The following ZSWIM5 variants were observed in gnomAD, a reference collection of about 807,000 sequenced individuals.
ZSWIM5 encodes zinc finger SWIM-type containing 5.
ZSWIM5 carries 55 observed loss-of-function variants against 119.6 expected under a neutral mutation model. The ratio of observed to expected loss-of-function variants is 0.46; its 90% confidence interval spans 0.37 to 0.58. The LOEUF (loss-of-function observed/expected upper bound fraction) is 0.58, where lower values mean the gene tolerates loss of function less well. Among genes scored for constraint, ZSWIM5 ranks in the 20% least tolerant of loss-of-function variants. The pLI, the probability that ZSWIM5 is intolerant of heterozygous loss-of-function variation, is 0.00. For synonymous variants in ZSWIM5, 537 were observed against 606.9 expected (o/e 0.88, Z 1.69); for missense variants, 1,193 against 1,512.8 (o/e 0.79, Z 3.51).
rs1275301307 is a variant in ZSWIM5 at position 45,206,423 on chromosome 1, C to A, written c.-73G>T. On this transcript the variant is annotated 5_prime_UTR_variant, in exon 1 of 14. Transcript: ENST00000359600. ...GCGGCGGAGACCCTGGCCACGGCCA[C>A]GCGCCCCGCGCAAGCGCCCAGCGGT... 70 of 1,264,298 alleles carry A rather than the reference C, an allele frequency of 5.5e-5. No individual in the cohort carries two copies. The highest frequency in any genetic ancestry group is 6.7e-5 in the Non-Finnish European group (67 of 1,006,080). 78.3% of individuals were successfully genotyped at this position (1,264,298 alleles called of 1,614,324 possible). A position where few individuals can be genotyped will look rare whatever the true frequency, so the allele number is the denominator to read the frequency against.
At chr1:45,026,520 C>T (rs986677065) in intron 11 of ZSWIM5, among the ~76,000 whole-genome samples, 2 of 152,070 alleles carry the variant, frequency 1.3e-5, no homozygotes, top group Non-Finnish European at 2.9e-5. Context: ...ATGGAATTAA[C>T]GGATTCCATT....
intron 2 of ZSWIM5, among the ~76,000 whole-genome samples, chr1:45,080,208 G>A (rs1407359993): frequency 6.6e-6 from 1 of 152,224 alleles, no homozygotes; most frequent in African/African-American, 2.4e-5. Flanking sequence ...TTGCCTAGGA[G>A]TTGCAGTCCT....
At chr1:45,092,546 C>CG (rs1553193681) in intron 1 of ZSWIM5, among the ~76,000 whole-genome samples, 7 of 98,390 alleles carry the variant, frequency 7.1e-5, no homozygotes, top group Non-Finnish European at 9.7e-5. Context: ...CCACCCCCCC[C>CG]CCCCCGCCAG....
chr1:45,091,746 T>G (rs1645365535), intron 1 of ZSWIM5, among the ~76,000 whole-genome samples: 1 of 152,114 alleles, frequency 6.6e-6, no homozygotes, highest in East Asian at 1.9e-4. Flanking sequence ...GCTTTATCCG[T>G]TCAATGCTTC....
At chr1:45,074,593 A>G (rs1358171054) in intron 2 of ZSWIM5, among the ~76,000 whole-genome samples, 3 of 151,408 alleles carry the variant, frequency 2.0e-5, no homozygotes, top group Admixed American at 2.0e-4. Flanking sequence ...CTCTGATTTT[A>G]TTTATTTGGG....
At chr1:45,070,879 C>T (rs765113933) in intron 2 of ZSWIM5, among the ~76,000 whole-genome samples, 1 of 152,164 alleles carries the variant, frequency 6.6e-6, no homozygotes, top group African/African-American at 2.4e-5. Flanking sequence ...TTACAGGTAT[C>T]GTGCTTGGTG....
At chr1:45,117,644 C>G (rs1029319497) in intron 1 of ZSWIM5, among the ~76,000 whole-genome samples, 1 of 152,122 alleles carries the variant, frequency 6.6e-6, no homozygotes, top group Non-Finnish European at 1.5e-5. Flanking sequence ...GCACTCTAGC[C>G]TGGTTAACAG....
At chr1:45,066,739 C>A (rs574556749) in intron 2 of ZSWIM5, among the ~76,000 whole-genome samples, 3 of 152,008 alleles carry the variant, frequency 2.0e-5, no homozygotes, top group South Asian at 2.1e-4. Flanking sequence ...TAATAGGAGG[C>A]CACTGAAGGA....
At position 45,019,379 on chromosome 1, in the gene ZSWIM5, T is replaced by C. The variant is rs1644874176; in HGVS notation, c.2696-63A>G. On this transcript the variant is annotated intron_variant, in intron 13 of 13. Transcript: ENST00000359600. The surrounding 1 kb of genome is among the most constrained non-coding windows in gnomAD (Gnocchi z 5.0). ...GGTCCTGATTCAGGTCTACCCAGAT[T>C]ACCATTTGGGGTTTGAACTTGGCCT... is the stretch of plus-strand genomic sequence containing the variant. 1 of 1,543,868 alleles carries C rather than the reference T, an allele frequency of 6.5e-7. No individual in the cohort carries two copies. Among genetic ancestry groups the C allele is most frequent in the South Asian group, 1.2e-5 (1 of 81,894 alleles).
rs1439626385 is a variant in ZSWIM5 at position 45,072,681 on chromosome 1, T to C, written c.953-12434A>G. Among the ~76,000 whole-genome samples, 3 of 152,024 alleles carry C rather than the reference T, an allele frequency of 2.0e-5. No homozygotes were observed. Among genetic ancestry groups the C allele is most frequent in the Admixed American group, 6.5e-5 (1 of 15,278 alleles). On this transcript the variant is annotated intron_variant, in intron 2 of 13. Coordinates refer to ENST00000359600, the MANE Select transcript of ZSWIM5 (RefSeq NM_020883.2). The surrounding 1 kb of genome is among the most constrained non-coding windows in gnomAD (Gnocchi z 4.1). ...TAGCATCCATTTATTGAAAAAACTG[T>C]CTTTTCCCCAGTGTATGTTCTTGGC... is the stretch of plus-strand genomic sequence containing the variant.
At chr1:45,053,054 C>T (rs1406087685) in intron 4 of ZSWIM5, among the ~76,000 whole-genome samples, 3 of 145,242 alleles carry the variant, frequency 2.1e-5, no homozygotes, top group East Asian at 2.1e-4. Context: ...ATCTGGGAGG[C>T]GGAGGTTGCA....
chr1:45,044,749 AT>A (rs1450909139), intron 5 of ZSWIM5, among the ~76,000 whole-genome samples: 1 of 1,394 alleles, frequency 7.2e-4, no homozygotes, highest in African/African-American at 2.6e-3. Context: ...AAAAAAAAAT[AT>A]ATATATATAT....
At chr1:45,180,423 G>T (rs1646009580) in intron 1 of ZSWIM5, among the ~76,000 whole-genome samples, 1 of 152,198 alleles carries the variant, frequency 6.6e-6, no homozygotes, top group Non-Finnish European at 1.5e-5. Context: ...AAACAAAGCA[G>T]CCGGGAAGCT....
At chr1:45,154,630 C>T (rs925963551) in intron 1 of ZSWIM5, among the ~76,000 whole-genome samples, 7 of 152,102 alleles carry the variant, frequency 4.6e-5, no homozygotes, top group Non-Finnish European at 1.0e-4. Flanking sequence ...GCCTGTAATC[C>T]CAACACTTTG....
chr1:45,197,895 T>C (rs1486454269), intron 1 of ZSWIM5, among the ~76,000 whole-genome samples: 2 of 152,190 alleles, frequency 1.3e-5, no homozygotes, highest in Non-Finnish European at 2.9e-5. Context: ...GAAAGAATGG[T>C]GAAACCACTG....
At position 45,021,067 on chromosome 1, in the gene ZSWIM5, G is replaced by T. The variant is rs372487933; in HGVS notation, c.2450-279C>A. Among the ~76,000 whole-genome samples, 262 of 150,636 alleles carry T rather than the reference G, an allele frequency of 1.7e-3. 2 individuals are homozygous for T. The highest frequency in any genetic ancestry group is 5.9e-3 in the African/African-American group (242 of 40,930). On this transcript the variant is annotated intron_variant, in intron 11 of 13. Transcript: ENST00000359600. ...TTTTTTTTTTTGGAGACGGAGTCTT[G>T]CTCTGTTGCCCAGGCAGGAGTGCAG...
chr1:45,108,630 G>C lies in ZSWIM5; in HGVS notation c.596-20393C>G, dbSNP rs148315417. Among the ~76,000 whole-genome samples, 155 of 151,364 alleles carry C rather than the reference G, an allele frequency of 1.0e-3. 1 individual carries two copies. The highest frequency in any genetic ancestry group is 8.3e-3 in the South Asian group (40 of 4,812). ...GAATATACTGAAATTATATTTAAAT[G>C]TGTTTTATATATAATATATATTACA... On this transcript the variant is annotated intron_variant, in intron 1 of 13. Transcript: ENST00000359600.
intron 1 of ZSWIM5, among the ~76,000 whole-genome samples, chr1:45,110,038 AT>A (rs891987474): frequency 2.6e-5 from 4 of 151,528 alleles, no homozygotes; most frequent in Non-Finnish European, 5.9e-5. Flanking sequence ...CTAATTTTTA[AT>A]TTTTTTTGGC....
chr1:45,100,688 G>A (rs1185349155), intron 1 of ZSWIM5, among the ~76,000 whole-genome samples: 1 of 152,162 alleles, frequency 6.6e-6, no homozygotes, highest in Non-Finnish European at 1.5e-5. Flanking sequence ...TATGGTACTG[G>A]TACCAAAACA....
Sources: allele counts gnomAD v4.1 joint callset (sites outside exome capture counted in the v4.1 genomes callset), GRCh38; gene constraint gnomAD v4.1.1; non-coding constraint Gnocchi (gnomAD v3.1); transcripts MANE v1.5; gene names NCBI Gene and HGNC (gene_info 2026-07-23, HGNC 2026-07-21).